CCDC192: variants seen among roughly 807,000 people sequenced by gnomAD.
CCDC192 encodes coiled-coil domain containing 192.
intron 6 of CCDC192, among the ~76,000 whole-genome samples, chr5:127,884,496 TAATTCACACCCAACTCCAGGTA>T (rs772013016): frequency 6.6e-6 from 1 of 151,938 alleles, no homozygotes; most frequent in Non-Finnish European, 1.5e-5. Context: ...CAAGGAACAT[TAATTCACACCCAACTCCAGGTA>T]ACAGAGCTTC....
At chr5:127,706,682 CA>C (rs2126769687) in intron 1 of CCDC192, among the ~76,000 whole-genome samples, 1 of 152,050 alleles carries the variant, frequency 6.6e-6, no homozygotes, top group African/African-American at 2.4e-5. Flanking sequence ...GGTAAAGTAA[CA>C]AAAACAACAG....
chr5:127,788,059 G>T (rs1223568230), intron 3 of CCDC192, among the ~76,000 whole-genome samples: 1 of 125,246 alleles, frequency 8.0e-6, no homozygotes. Context: ...TCCAGCCTGG[G>T]TAACAGAGTG....
chr5:127,834,068 A>C (rs757897617), intron 5 of CCDC192, among the ~76,000 whole-genome samples: 20 of 152,144 alleles, frequency 1.3e-4, no homozygotes, highest in Admixed American at 6.5e-5. Context: ...ATTTGTCTAA[A>C]AGCAGGACAT....
intron 5 of CCDC192, among the ~76,000 whole-genome samples, chr5:127,802,010 C>G (rs1731150125): frequency 6.6e-6 from 1 of 152,146 alleles, no homozygotes; most frequent in Non-Finnish European, 1.5e-5. Flanking sequence ...TGAAACCCAA[C>G]TATTTGTTAC....
At chr5:127,916,349 A>G (rs890179538) in intron 6 of CCDC192, among the ~76,000 whole-genome samples, 5 of 152,166 alleles carry the variant, frequency 3.3e-5, no homozygotes, top group African/African-American at 1.2e-4. Context: ...GTTGGAATCA[A>G]CTTCCTCTAT....
At chr5:127,731,839 C>G (rs1752657028) in intron 2 of CCDC192, among the ~76,000 whole-genome samples, 1 of 152,112 alleles carries the variant, frequency 6.6e-6, no homozygotes, top group Admixed American at 6.5e-5. Context: ...TTCCTTATAC[C>G]ATATACAAAA....
intron 6 of CCDC192, among the ~76,000 whole-genome samples, chr5:127,933,009 C>G (rs1236407958): frequency 6.6e-6 from 1 of 152,136 alleles, no homozygotes; most frequent in African/African-American, 2.4e-5. Context: ...ATGTATGCCT[C>G]AGGTATACAA....
intron 2 of CCDC192, among the ~76,000 whole-genome samples, chr5:127,722,113 C>G (rs1561446826): frequency 1.3e-5 from 2 of 152,182 alleles, no homozygotes; most frequent in African/African-American, 4.8e-5. Flanking sequence ...TCTCCACATC[C>G]CTGCCAGCAT....
At chr5:127,911,332 T>C (rs1233734453) in intron 6 of CCDC192, among the ~76,000 whole-genome samples, 1 of 152,168 alleles carries the variant, frequency 6.6e-6, no homozygotes, top group Non-Finnish European at 1.5e-5. Context: ...CTAAGATTAA[T>C]GCGGGGTGTT....
intron 2 of CCDC192, among the ~76,000 whole-genome samples, chr5:127,723,314 A>G (rs1032364938): frequency 4.0e-5 from 6 of 151,204 alleles, no homozygotes; most frequent in Admixed American, 2.7e-4. Context: ...TTTGTATTCT[A>G]CAACTTTACT....
chr5:127,812,078 G>A lies in CCDC192; in HGVS notation c.411+13916G>A, dbSNP rs547703639. 3.3e-5 allele frequency among the ~76,000 whole-genome samples: 5 copies of A among 152,266 alleles called. No homozygotes were observed. In the South Asian group the frequency reaches 1.0e-3, roughly 32 times the overall value. ...ATCCTGAGGCTTAATTTCCACGACT[G>A]CAAAATGGGGATACTAAATGTATCT... On this transcript the variant is annotated intron_variant, in intron 5 of 6. Transcript: ENST00000514853.
At chr5:127,918,214 TGTAAA>T (rs1313797948) in intron 6 of CCDC192, among the ~76,000 whole-genome samples, 64 of 113,160 alleles carry the variant, frequency 5.7e-4, no homozygotes, top group African/African-American at 4.2e-3. Flanking sequence ...ACCTTCAATT[TGTAAA>T]AAAAAAAAAA....
chr5:127,707,676 A>G lies in CCDC192; in HGVS notation c.63-33A>G, dbSNP rs143384124. On this transcript the variant is annotated intron_variant, in intron 1 of 6. Coordinates refer to ENST00000514853, the MANE Select transcript of CCDC192 (RefSeq NM_001317938.2). ...TGCGCACATGAGAGCCTGAAATAAA[A>G]TTTTGGAATTCTAAATGTTTACTTT... is the stretch of plus-strand genomic sequence containing the variant. 2,983 of 398,286 alleles carry G rather than the reference A, an allele frequency of 7.5e-3. 18 individuals are homozygous for G. The highest frequency in any genetic ancestry group is 0.01 in the Non-Finnish European group (2,280 of 225,644). The allele number at this position is 398,286 out of a possible 1,614,324, so 24.7% of individuals were successfully genotyped here.
rs551113618 is a variant in CCDC192, at chr5:127,858,077, G to A, written c.412-17461G>A. ...TATCTATTTCACAAGGCTGTTGTTC[G>A]TGTAAATGAGTTAATATATACGAAA... On this transcript the variant is annotated intron_variant, in intron 5 of 6. Coordinates refer to ENST00000514853, the MANE Select transcript of CCDC192 (RefSeq NM_001317938.2). Among the ~76,000 whole-genome samples, 53 of 152,240 alleles carry A rather than the reference G, an allele frequency of 3.5e-4. No individual in the cohort carries two copies. In the South Asian group the frequency reaches 1.0e-2, roughly 29 times the overall value.
chr5:127,804,632 T>C (rs1311130279), intron 5 of CCDC192, among the ~76,000 whole-genome samples: 1 of 152,196 alleles, frequency 6.6e-6, no homozygotes, highest in Non-Finnish European at 1.5e-5. Flanking sequence ...ATCAGTTGTT[T>C]ATAACTGAGA....
At chr5:127,728,358 C>T (rs564258939) in intron 2 of CCDC192, among the ~76,000 whole-genome samples, 1 of 152,276 alleles carries the variant, frequency 6.6e-6, no homozygotes, top group Admixed American at 6.5e-5. Flanking sequence ...CAGTGAAAAC[C>T]TTACAAGCCA....
At chr5:127,737,855 G>C (rs1428077935) in intron 2 of CCDC192, among the ~76,000 whole-genome samples, 1 of 152,096 alleles carries the variant, frequency 6.6e-6, no homozygotes, top group Non-Finnish European at 1.5e-5. Flanking sequence ...CCTGAATACA[G>C]CACACTGATG....
At chr5:127,755,279 T>C (rs1465125736) in intron 3 of CCDC192, among the ~76,000 whole-genome samples, 1 of 152,204 alleles carries the variant, frequency 6.6e-6, no homozygotes, top group Non-Finnish European at 1.5e-5. Flanking sequence ...AGTCTCCCTG[T>C]ATAGTGAAAC....
intron 6 of CCDC192, among the ~76,000 whole-genome samples, chr5:127,919,464 A>G (rs1753644735): frequency 6.6e-6 from 1 of 152,160 alleles, no homozygotes; most frequent in African/African-American, 2.4e-5. Context: ...ATTTTGCACC[A>G]CTGCCATGGT....
Sources: allele counts gnomAD v4.1 joint callset (sites outside exome capture counted in the v4.1 genomes callset), GRCh38; gene constraint gnomAD v4.1.1; transcripts MANE v1.5; gene names NCBI Gene and HGNC (gene_info 2026-07-23, HGNC 2026-07-21).